The following GLB1 variants were observed in gnomAD, a reference collection of about 807,000 sequenced individuals.
GLB1 encodes the protein galactosidase beta 1.
A neutral mutation model predicts 74.0 loss-of-function variants in GLB1; 56 were observed. The ratio of observed to expected loss-of-function variants is 0.76; its 90% CI spans 0.61 to 0.94. GLB1 has a LOEUF of 0.94. Among genes scored for constraint, GLB1 ranks in the 40% least tolerant of loss-of-function variants. GLB1 has a pLI of 0.00. For synonymous variants in GLB1, 323 were observed against 323.6 expected (o/e 1.00, Z 0.02); for missense variants, 787 against 845.5 (o/e 0.93, Z 0.86).
chr3:32,981,015 C>A, the GLB1 span, among the ~76,000 whole-genome samples: 2 of 147,388 alleles, frequency 1.4e-5, no homozygotes, highest in African/African-American at 5.0e-5. Flanking sequence ...TACATGAACC[C>A]AGGAGGCAGA....
chr3:32,972,081 G>A, the GLB1 span, among the ~76,000 whole-genome samples: 1 of 152,020 alleles, frequency 6.6e-6, no homozygotes, highest in South Asian at 2.1e-4. Flanking sequence ...ATAATGAATG[G>A]CCTCCTGAAA....
intron 1 of GLB1, among the ~76,000 whole-genome samples, chr3:33,079,082 T>C (rs190660890): frequency 1.9e-4 from 29 of 152,264 alleles, no homozygotes; most frequent in African/African-American, 6.7e-4. Flanking sequence ...CCTTACACAA[T>C]TGGGTTCATA....
At chr3:33,035,591 C>T (rs1373057920) in intron 10 of GLB1, among the ~76,000 whole-genome samples, 1 of 152,066 alleles carries the variant, frequency 6.6e-6, no homozygotes, top group East Asian at 1.9e-4. Flanking sequence ...AAATGAGATC[C>T]CAGAGAGCTC....
At chr3:33,073,026 C>T (rs956047802) in intron 1 of GLB1, among the ~76,000 whole-genome samples, 8 of 151,752 alleles carry the variant, frequency 5.3e-5, no homozygotes, top group Admixed American at 3.3e-4. Context: ...TGGGGAACAT[C>T]ACACACACAC....
At chr3:33,023,569 T>C (rs1559386871) in intron 11 of GLB1, among the ~76,000 whole-genome samples, 2 of 152,094 alleles carry the variant, frequency 1.3e-5, no homozygotes, top group African/African-American at 4.8e-5. Flanking sequence ...TTTTTTTTTT[T>C]CTTGTGAGTT....
chr3:32,970,924 C>T, the GLB1 span, among the ~76,000 whole-genome samples: 1 of 152,306 alleles, frequency 6.6e-6, no homozygotes. Context: ...CAAATAATCC[C>T]CTCCCTCCTA....
At chr3:32,988,483 T>G in the GLB1 span, among the ~76,000 whole-genome samples, 1 of 152,188 alleles carries the variant, frequency 6.6e-6, no homozygotes, top group Non-Finnish European at 1.5e-5. Flanking sequence ...TATATCAGAG[T>G]GAAGAGTTGG....
chr3:33,063,738 G>A (rs11708012), intron 5 of GLB1, among the ~76,000 whole-genome samples: 74,304 of 151,952 alleles, frequency 0.49, 21,571 homozygotes, highest in Non-Finnish European at 0.63. Context: ...GAGCAAAGAC[G>A]CACCCAAGTT....
At chr3:32,978,818 C>T in the GLB1 span, among the ~76,000 whole-genome samples, 7 of 136,632 alleles carry the variant, frequency 5.1e-5, no homozygotes, top group East Asian at 2.1e-4. Context: ...TGGAGTGCAG[C>T]GACATGATCT....
In GLB1 at chr3:33,096,841, G is replaced by A. The variant is rs566906444; in HGVS notation, c.75+170C>T. The A allele has an allele frequency of 2.5e-4, 345 of 1,364,512 alleles. 9 individuals carry two copies. In the South Asian group the frequency reaches 5.4e-3, roughly 21 times the overall value. The allele number at this position is 1,364,512 out of a possible 1,614,324, so 84.5% of individuals were successfully genotyped here. A position where few individuals can be genotyped will look rare whatever the true frequency, so the allele number is the denominator to read the frequency against. On this transcript the variant is annotated intron_variant, in intron 1 of 15. Transcript: ENST00000307363. Reference sequence around the variant, plus strand: ...GCGCCCCGCCCGGCCCGCCCCCGACGGGAAGGCCGGTCCACTGCCTGCGTT... The same window carrying A: ...GCGCCCCGCCCGGCCCGCCCCCGACAGGAAGGCCGGTCCACTGCCTGCGTT...
In GLB1 at chr3:33,068,261, T is replaced by C. The variant is rs768435736; in HGVS notation, c.426A>G (p.Lys142=). The change falls in exon 4 of 16, where the codon AAA becomes AAG. Residue 142 remains lysine (K), a synonymous_variant. Coordinates refer to ENST00000307363, the MANE Select transcript of GLB1 (RefSeq NM_000404.4). ...MGGLPAWLLE[K]ESILLRSSDP... ...CGGAGGAGCGGAGAAGAATAGACTC[T>C]TTCTCTAGCAGCCAAGCAGGTAATC... is the stretch of plus-strand genomic sequence containing the variant. The C allele has an allele frequency of 7.4e-6, 12 of 1,613,954 alleles. No individual in the cohort carries two copies. The highest frequency in any genetic ancestry group is 8.5e-6 in the Non-Finnish European group (10 of 1,179,970).
intron 15 of GLB1, among the ~76,000 whole-genome samples, chr3:33,005,577 GC>G (rs1696752465): frequency 6.6e-6 from 1 of 151,994 alleles, no homozygotes; most frequent in Admixed American, 6.5e-5. Context: ...TCTCAGTGCA[GC>G]CTTGATTTGC....
intron 7 of GLB1, among the ~76,000 whole-genome samples, chr3:33,052,449 T>C (rs1363547676): frequency 1.3e-5 from 2 of 152,128 alleles, no homozygotes; most frequent in Non-Finnish European, 2.9e-5. Context: ...CTGGCCAACA[T>C]GGTGAAACCC....
chr3:33,011,127 G>A (rs1033930333), intron 15 of GLB1, among the ~76,000 whole-genome samples: 2 of 152,116 alleles, frequency 1.3e-5, no homozygotes, highest in African/African-American at 4.8e-5. Context: ...AAAGTGCTGG[G>A]ATTTACAGGC....
chr3:33,088,798 T>C (rs1458675738), intron 1 of GLB1, among the ~76,000 whole-genome samples: 1 of 152,198 alleles, frequency 6.6e-6, no homozygotes, highest in Non-Finnish European at 1.5e-5. Context: ...CTAAAATTCA[T>C]ATGGAATCTC....
chr3:33,091,215 C>T (rs915471920), intron 1 of GLB1: 1 of 985,332 alleles, frequency 1.0e-6, no homozygotes, highest in African/African-American at 1.7e-5. Context: ...ACCAAAATTT[C>T]AACTCAAAGA....
At chr3:32,985,680 G>A in the GLB1 span, among the ~76,000 whole-genome samples, 1 of 151,340 alleles carries the variant, frequency 6.6e-6, no homozygotes, top group South Asian at 2.1e-4. Flanking sequence ...TGATAAATTG[G>A]AATTCTATCA....
In GLB1 at chr3:33,014,059, G is replaced by T; in HGVS notation, c.1731C>A (p.Thr577=). 1 of 1,614,144 alleles carries T rather than the reference G, an allele frequency of 6.2e-7. No homozygotes were observed. Among genetic ancestry groups the T allele is most frequent in the Admixed American group, 1.7e-5 (1 of 60,020 alleles). Residue 577 remains threonine, a synonymous_variant, in exon 15 of 16, where the codon ACC becomes ACA. Coordinates refer to ENST00000307363, the MANE Select transcript of GLB1 (RefSeq NM_000404.4). ...QDTFIQFPGW[T]KGQVWINGFN... is the part of the protein sequence containing the mutation. The stretch of plus-strand genomic sequence containing the variant: ...CCCTTCCCATGAAGACACGTACCTT[G>T]GTCCATCCAGGAAACTGGATAAAGG...
chr3:33,041,400 A>ATG (rs1241665290), intron 10 of GLB1, among the ~76,000 whole-genome samples: 9 of 152,144 alleles, frequency 5.9e-5, no homozygotes, highest in African/African-American at 2.2e-4. Context: ...GGTGGCTCAC[A>ATG]CCTGTAATCC....
Sources: gnomAD v4.1 joint callset for allele counts (sites outside exome capture counted in the v4.1 genomes callset) on GRCh38, gnomAD v4.1.1 for gene constraint, MANE v1.5 for transcripts, NCBI Gene and HGNC (gene_info 2026-07-23, HGNC 2026-07-21) for gene names.